The following ORC4 variants were observed in gnomAD, a reference collection of about 807,000 sequenced individuals.
The protein encoded by ORC4 is origin recognition complex, subunit 4 homolog.
Under a neutral mutation model 63.9 loss-of-function variants are expected in ORC4, and 55 were observed. The ratio of observed to expected loss-of-function variants is 0.86; its 90% CI spans 0.69 to 1.08. ORC4 has a LOEUF of 1.08. Among genes scored for constraint, ORC4 ranks in the 50% least tolerant of loss-of-function variants. The pLI is 0.00. For missense variants in ORC4, 511 were observed against 504.4 expected (o/e 1.01, Z -0.13); for synonymous variants, 150 against 168.5 (o/e 0.89, Z 0.85).
chr2:147,949,609 CT>C (rs1175475839), intron 8 of ORC4, among the ~76,000 whole-genome samples: 1 of 152,030 alleles, frequency 6.6e-6, no homozygotes, highest in African/African-American at 2.4e-5. Flanking sequence ...TATTTGATGA[CT>C]TTAAGGAATT....
At position 147,933,519 on chromosome 2, in the gene ORC4, A is replaced by ATCTT. The variant is rs1363602151; in HGVS notation, c.*1987_*1990dup. ...ACCTCAATTGGTACTTAGTCTTAAA[A>ATCTT]TCTTTCTTTATACTTGGTTATTGAT... is the stretch of plus-strand genomic sequence containing the variant. On this transcript the variant is annotated 3_prime_UTR_variant, in exon 14 of 14. Coordinates refer to ENST00000392857, the MANE Select transcript of ORC4 (RefSeq NM_181741.4). 1 of 152,022 alleles carries ATCTT rather than the reference A, an allele frequency of 6.6e-6. No homozygotes were observed. Among genetic ancestry groups the ATCTT allele is most frequent in the Admixed American group, 6.6e-5 (1 of 15,228 alleles). The allele number at this position is 152,022 out of a possible 1,614,324, so 9.4% of individuals were successfully genotyped here.
chr2:148,011,163 TACA>T (rs529168317), intron 1 of ORC4, among the ~76,000 whole-genome samples: 59 of 152,094 alleles, frequency 3.9e-4, no homozygotes, highest in African/African-American at 1.4e-3. Flanking sequence ...CAGACAACGA[TACA>T]ACAACAACAA....
intron 4 of ORC4, among the ~76,000 whole-genome samples, chr2:147,963,847 T>C (rs1160293691): frequency 1.3e-5 from 2 of 152,074 alleles, no homozygotes; most frequent in African/African-American, 4.8e-5. Context: ...ATGACACTAG[T>C]GTGGATTACA....
intron 1 of ORC4, among the ~76,000 whole-genome samples, chr2:148,016,474 G>GT (rs957419988): frequency 1.3e-5 from 2 of 152,174 alleles, no homozygotes; most frequent in African/African-American, 2.4e-5. Flanking sequence ...ATTCTCCACA[G>GT]TAACACCCAA....
chr2:147,984,385 TATA>T (rs1189633103), intron 1 of ORC4, among the ~76,000 whole-genome samples: 1 of 151,866 alleles, frequency 6.6e-6, no homozygotes, highest in South Asian at 2.1e-4. Context: ...CTTACTTTAT[TATA>T]ATAATACAAT....
intron 1 of ORC4, among the ~76,000 whole-genome samples, chr2:147,984,717 T>C (rs1691091608): frequency 1.3e-5 from 2 of 152,260 alleles, no homozygotes; most frequent in South Asian, 4.1e-4. Flanking sequence ...TAAAGCTGTC[T>C]GCTCTCTAAA....
chr2:147,957,471 G>C (rs916530777), intron 6 of ORC4, among the ~76,000 whole-genome samples: 2 of 151,638 alleles, frequency 1.3e-5, no homozygotes, highest in African/African-American at 4.8e-5. Flanking sequence ...TATGAGGCTA[G>C]GTAATTTCAT....
chr2:147,948,717 C>A, intron 8 of ORC4, among the ~76,000 whole-genome samples: 1 of 149,828 alleles, frequency 6.7e-6, no homozygotes, highest in African/African-American at 2.4e-5. Context: ...TGTATTTGTG[C>A]TATTTTTCCT....
chr2:147,955,209 G>A (rs774316916), intron 7 of ORC4, 138 bp downstream of exon 7: 22 of 639,828 alleles, frequency 3.4e-5, no homozygotes, highest in Non-Finnish European at 6.2e-5. Context: ...GGAATACAGT[G>A]AACATTGTAT....
At chr2:147,964,808 T>C (rs1370994038) in intron 4 of ORC4, among the ~76,000 whole-genome samples, 2 of 152,164 alleles carry the variant, frequency 1.3e-5, no homozygotes, top group Non-Finnish European at 2.9e-5. Flanking sequence ...AATGATATTT[T>C]AAAACATCTT....
intron 5 of ORC4, 49 bp downstream of exon 5, chr2:147,958,742 C>A: frequency 2.2e-6 from 2 of 918,078 alleles, no homozygotes; most frequent in Non-Finnish European, 1.8e-6. Flanking sequence ...CATATAAAAA[C>A]CCCACAAAGT....
rs1421864531 is a variant in ORC4 at position 147,932,795 on chromosome 2, G to A, written c.*2715C>T. On this transcript the variant is annotated 3_prime_UTR_variant, in exon 14 of 14. Coordinates refer to ENST00000392857, the MANE Select transcript of ORC4 (RefSeq NM_181741.4). ...ATGGGGCAGCACTTAGGTTATGGTG[G>A]TTTGAAAGAAACTGAATTGCTTTCT... is the stretch of plus-strand genomic sequence containing the variant. The A allele has an allele frequency of 6.6e-6, 1 of 152,098 alleles. No homozygotes were observed. Among genetic ancestry groups the A allele is most frequent in the Non-Finnish European group, 1.5e-5 (1 of 68,010 alleles). 9.4% of individuals were successfully genotyped at this position (152,098 alleles called of 1,614,324 possible).
In ORC4 at chr2:147,933,165, G is replaced by A. The variant is rs1310139490; in HGVS notation, c.*2345C>T. The A allele has an allele frequency of 2.0e-5, 3 of 151,988 alleles. No homozygotes were observed. In the East Asian group the frequency reaches 5.8e-4, roughly 29 times the overall value. The allele number at this position is 151,988 out of a possible 1,614,324, so 9.4% of individuals were successfully genotyped here. ...ATCAGATTGAAAAGCAGGAGTTCAT[G>A]CATTTTTTGGTTCTATTTTTCCTCC... On this transcript the variant is annotated 3_prime_UTR_variant, in exon 14 of 14. Coordinates refer to ENST00000392857, the MANE Select transcript of ORC4 (RefSeq NM_181741.4).
rs1037113208 is a variant in ORC4, at chr2:148,001,077, C to T, written c.-18+19556G>A. On this transcript the variant is annotated intron_variant, in intron 1 of 13. Transcript: ENST00000392857. ...GGAAAACTGGGGTAGTGACAGCTAC[C>T]TTGTCCAACATCACAGCCTTCCTGG... Among the ~76,000 whole-genome samples the T allele has an allele frequency of 3.9e-5, 6 of 152,080 alleles. No homozygotes were observed. The East Asian group carries it at 1.2e-3, about 29-fold the overall frequency.
At chr2:148,002,543 A>G (rs1174834289) in intron 1 of ORC4, among the ~76,000 whole-genome samples, 1 of 152,178 alleles carries the variant, frequency 6.6e-6, no homozygotes, top group Non-Finnish European at 1.5e-5. Context: ...AGGCAGAAAT[A>G]AATACATTCT....
rs1036999062 is a variant in ORC4, at chr2:148,020,675, C to G, written c.-60G>C. The G allele has an allele frequency of 6.6e-6, 1 of 152,580 alleles. No individual in the cohort carries two copies. The highest frequency in any genetic ancestry group is 1.5e-5 in the Non-Finnish European group (1 of 68,390). 9.5% of individuals were successfully genotyped at this position (152,580 alleles called of 1,614,324 possible). On this transcript the variant is annotated 5_prime_UTR_variant, in exon 1 of 14. Coordinates refer to ENST00000392857, the MANE Select transcript of ORC4 (RefSeq NM_181741.4). ...CCAACGCCTGCAGGAATCGCTTCAC[C>G]GAATCGCCTGGCCGCGTCCTCTGCT...
In ORC4 at chr2:147,930,760, T is replaced by C. The variant is rs530754435; in HGVS notation, c.*4750A>G. The stretch of plus-strand genomic sequence containing the variant: ...CCTTGGATAAGTGATTGTTAAATAT[T>C]GTACAAATAAAATGTATGCTATCCC... On this transcript the variant is annotated 3_prime_UTR_variant, in exon 14 of 14. Coordinates refer to ENST00000392857, the MANE Select transcript of ORC4 (RefSeq NM_181741.4). The C allele has an allele frequency of 6.6e-6, 1 of 152,598 alleles. No homozygotes were observed. The highest frequency in any genetic ancestry group is 1.9e-4 in the East Asian group (1 of 5,176). The allele number at this position is 152,598 out of a possible 1,614,324, so 9.5% of individuals were successfully genotyped here. A position where few individuals can be genotyped will look rare whatever the true frequency, so the allele number is the denominator to read the frequency against.
chr2:147,954,429 T>C (rs1028150841), intron 7 of ORC4, among the ~76,000 whole-genome samples: 1 of 152,216 alleles, frequency 6.6e-6, no homozygotes, highest in Non-Finnish European at 1.5e-5. Context: ...CATAGCCTAT[T>C]GCTCCTAGGC....
At chr2:147,937,451 T>C (rs1490067562) in intron 13 of ORC4, among the ~76,000 whole-genome samples, 2 of 152,172 alleles carry the variant, frequency 1.3e-5, no homozygotes, top group Non-Finnish European at 2.9e-5. Flanking sequence ...ACAGCAAGAA[T>C]TTCCAGTAAA....
Sources: allele counts gnomAD v4.1 joint callset (sites outside exome capture counted in the v4.1 genomes callset), GRCh38; gene constraint gnomAD v4.1.1; transcripts MANE v1.5; gene names NCBI Gene and HGNC (gene_info 2026-07-23, HGNC 2026-07-21).